Variants in ACADSB observed in about 807,000 individuals in gnomAD.
The protein encoded by ACADSB is acyl-CoA dehydrogenase short/branched chain.
ACADSB carries 40 observed loss-of-function variants against 54.1 expected under a neutral mutation model. The observed-to-expected ratio is 0.74, with a 90% confidence interval of 0.57 to 0.96. The LOEUF (loss-of-function observed/expected upper bound fraction) is 0.96. ACADSB is among the 40% of genes least tolerant of loss of function. The probability of loss-of-function intolerance (pLI) is 0.00; values close to 1 mark genes in which losing one functional copy is unlikely to be tolerated. For synonymous variants in ACADSB, 182 were observed against 182.8 expected (o/e 1.00, Z 0.03); for missense variants, 530 against 510.4 (o/e 1.04, Z -0.37).
At chr10:123,031,660 C>T (rs1196301713) in intron 1 of ACADSB, among the ~76,000 whole-genome samples, 1 of 151,936 alleles carries the variant, frequency 6.6e-6, no homozygotes, top group Non-Finnish European at 1.5e-5. Flanking sequence ...TTTTTTCTGC[C>T]GAAAAATGTT....
rs1420452249 is a variant in ACADSB at position 123,034,441 on chromosome 10, A to G, written c.128A>G (p.Asn43Ser). 4 of 1,613,182 alleles carry G rather than the reference A, an allele frequency of 2.5e-6. No individual in the cohort carries two copies. The highest frequency in any genetic ancestry group is 3.4e-6 in the Non-Finnish European group (4 of 1,179,776). ...TCTTCCCAGTCAGAAGCTCTACTCAATATAACAAATAATGGAATACACTTT... is the reference window on the plus strand; with the variant it reads ...TCTTCCCAGTCAGAAGCTCTACTCAGTATAACAAATAATGGAATACACTTT... ...SKSSQSEALL[N>S]ITNNGIHFAP... Residue 43 changes from asparagine to serine, a missense_variant, in exon 2 of 11, where the codon AAT (asparagine) becomes AGT (serine). Transcript: ENST00000358776.
chr10:123,013,766 C>G (rs1044834563), intron 1 of ACADSB, among the ~76,000 whole-genome samples: 10 of 152,232 alleles, frequency 6.6e-5, no homozygotes, highest in Non-Finnish European at 1.2e-4. Context: ...CCCCTCACTG[C>G]CCGGGGCCGC....
Position 123,019,743 on chromosome 10 carries a change from G to A in ACADSB, c.42+10672G>A, listed in dbSNP as rs190430618. On this transcript the variant is annotated intron_variant, in intron 1 of 10. Transcript: ENST00000358776. The stretch of plus-strand genomic sequence containing the variant: ...TACATGTATATGTGTGTGTAGGACT[G>A]TGCAGTTCTATCACATATGTTTGTG... Among the ~76,000 whole-genome samples, 38 of 152,276 alleles carry A rather than the reference G, an allele frequency of 2.5e-4. No individual in the cohort carries two copies. The East Asian group carries it at 6.0e-3, about 24-fold the overall frequency.
chr10:123,017,536 T>C (rs942195674), intron 1 of ACADSB, among the ~76,000 whole-genome samples: 11 of 152,220 alleles, frequency 7.2e-5, no homozygotes. Flanking sequence ...CAGGCTGGTC[T>C]GGAACTCCTG....
chr10:123,020,235 G>A (rs116882530), intron 1 of ACADSB, among the ~76,000 whole-genome samples: 1 of 152,310 alleles, frequency 6.6e-6, no homozygotes, highest in Non-Finnish European at 1.5e-5. Flanking sequence ...CAAACAGGTA[G>A]TAAGAAATTG....
intron 1 of ACADSB, among the ~76,000 whole-genome samples, chr10:123,010,281 A>G (rs185277741): frequency 1.3e-5 from 2 of 152,368 alleles, no homozygotes; most frequent in South Asian, 2.1e-4. Context: ...AAAAAGAATA[A>G]TAGCTTGCCC....
chr10:123,051,456 C>A (rs920183527), intron 9 of ACADSB, among the ~76,000 whole-genome samples: 2 of 151,970 alleles, frequency 1.3e-5, no homozygotes, highest in African/African-American at 4.8e-5. Flanking sequence ...GGAAAACCTT[C>A]AGTTCTGTGA....
intron 1 of ACADSB, among the ~76,000 whole-genome samples, chr10:123,012,678 G>A (rs912048923): frequency 1.2e-4 from 18 of 152,156 alleles, no homozygotes; most frequent in African/African-American, 3.6e-4. Context: ...CGCTCCTCCC[G>A]GTGGGCTTGT....
intron 1 of ACADSB, among the ~76,000 whole-genome samples, chr10:123,019,713 A>G (rs1165895494): frequency 1.3e-5 from 2 of 152,176 alleles, no homozygotes; most frequent in Non-Finnish European, 2.9e-5. Context: ...AGATATTCCC[A>G]GTTTTACATG....
chr10:123,010,277 A>G (rs2133449378), intron 1 of ACADSB, among the ~76,000 whole-genome samples: 1 of 152,378 alleles, frequency 6.6e-6, no homozygotes, highest in East Asian at 1.9e-4. Context: ...GCTGAAAAAG[A>G]ATAATAGCTT....
At position 123,053,083 on chromosome 10, in the gene ACADSB, A is replaced by T. The variant is rs760585344; in HGVS notation, c.1151A>T (p.Lys384Ile). The T allele has an allele frequency of 4.2e-5, 67 of 1,613,902 alleles. No individual in the cohort carries two copies. Among genetic ancestry groups the T allele is most frequent in the Non-Finnish European group, 4.9e-5 (58 of 1,179,942 alleles). The part of the protein sequence containing the change: ...ASEIAGQTTS[K>I]CIEWMGGVGY... ...TAGATTGCAGGACAAACAACGAGTA[A>T]ATGTATCGAGTGGATGGGGGGAGTA... Residue 384 changes from lysine (K) to isoleucine (I), a missense_variant, in exon 10 of 11, where the codon AAA (lysine) becomes ATA (isoleucine). By Grantham distance (102) the Lys-to-Ile change is moderately radical. Transcript: ENST00000358776.
In ACADSB at chr10:123,027,680, G is replaced by A. The variant is rs1336105004; in HGVS notation, c.43-6676G>A. 4 of 356,268 alleles carry A rather than the reference G, an allele frequency of 1.1e-5. No individual in the cohort carries two copies. In the Admixed American group the frequency reaches 1.2e-4, roughly 11 times the overall value. The allele number at this position is 356,268 out of a possible 1,614,324, so 22.1% of individuals were successfully genotyped here. ...AATGGACTAATACAGCAGCCAACAT[G>A]GTAACCCCTTGTTCCCATACAACGG... On this transcript the variant is annotated intron_variant, in intron 1 of 10. Transcript: ENST00000358776.
chr10:123,042,459 T>TC (rs767681820), intron 5 of ACADSB, among the ~76,000 whole-genome samples: 1 of 125,060 alleles, frequency 8.0e-6, no homozygotes, highest in Non-Finnish European at 1.8e-5. Flanking sequence ...TGTTAAAACT[T>TC]TTTTTTTTTT....
At position 123,041,318 on chromosome 10, in the gene ACADSB, G is replaced by A. The variant is rs1318525862; in HGVS notation, c.620G>A (p.Trp207Ter). 2.5e-6 allele frequency: 4 copies of A among 1,614,184 alleles called. No individual in the cohort carries two copies. In the South Asian group the frequency reaches 3.3e-5, roughly 13 times the overall value. ...TATGTCCTCAATGGATCAAAGATGT[G>A]GATCAGCAGTGCTGAGCACGCAGGG... ...DYYVLNGSKMWISSAEHAGLF... is the reference protein window; with the variant it reads ...DYYVLNGSKM The change falls in exon 5 of 11, where the codon TGG becomes TAG. Residue 207 changes from tryptophan to a stop codon, truncating the protein, a stop_gained. Transcript: ENST00000358776. LOFTEE classifies it high-confidence loss of function.
Position 123,037,831 on chromosome 10 carries a change from G to T in ACADSB, c.287G>T (p.Gly96Val). The change falls in exon 3 of 11, where the codon GGA becomes GTA. Residue 96 changes from glycine to valine, a missense_variant. Physicochemically the swap from Gly to Val is moderately radical, Grantham distance 109 (BLOSUM62 -3). Coordinates refer to ENST00000358776, the MANE Select transcript of ACADSB (RefSeq NM_001609.4). ...AAAATGGAGAAATCAGTAATACAAG[G>T]ATTATTTCAACAAGGGGTACATTTC... ...NSKMEKSVIQ[G>V]LFQQGLMGIE... The T allele has an allele frequency of 6.3e-7, 1 of 1,594,364 alleles. No individual in the cohort carries two copies.
chr10:123,025,695 A>G (rs538295155), intron 1 of ACADSB, among the ~76,000 whole-genome samples: 17 of 152,326 alleles, frequency 1.1e-4, no homozygotes, highest in African/African-American at 3.8e-4. Context: ...CTGTATGCAG[A>G]AAAAGAAATA....
intron 1 of ACADSB, among the ~76,000 whole-genome samples, chr10:123,031,055 C>T (rs940314089): frequency 6.6e-6 from 1 of 152,120 alleles, no homozygotes; most frequent in Admixed American, 6.5e-5. Context: ...CAGATAACTG[C>T]TGTGAATTTG....
intron 1 of ACADSB, among the ~76,000 whole-genome samples, chr10:123,016,535 A>G (rs532459658): frequency 6.6e-6 from 1 of 152,244 alleles, no homozygotes; most frequent in Non-Finnish European, 1.5e-5. Flanking sequence ...GCTAGGTTAC[A>G]GTTCATCCAC....
At chr10:123,009,650 A>T (rs982795593) in intron 1 of ACADSB, among the ~76,000 whole-genome samples, 5 of 152,112 alleles carry the variant, frequency 3.3e-5, no homozygotes, top group African/African-American at 1.2e-4. Flanking sequence ...GAGCCTGGGT[A>T]TCTTCCGTGG....
Sources: gnomAD v4.1 joint callset for allele counts (sites outside exome capture counted in the v4.1 genomes callset) on GRCh38, gnomAD v4.1.1 for gene constraint, MANE v1.5 for transcripts, NCBI Gene and HGNC (gene_info 2026-07-23, HGNC 2026-07-21) for gene names.